ABCB1: variants seen among roughly 807,000 people sequenced by gnomAD.
ABCB1 encodes the protein ATP binding cassette subfamily B member 1, also known as ATP-dependent translocase ABCB1.
Under a neutral mutation model 142.0 loss-of-function variants are expected in ABCB1, and 69 were observed. The ratio of observed to expected loss-of-function variants is 0.49; its 90% CI spans 0.40 to 0.59. The LOEUF is 0.59. Among genes scored for constraint, ABCB1 ranks in the 20% least tolerant of loss-of-function variants. The probability of loss-of-function intolerance (pLI) is 0.00; values close to 1 mark genes in which losing one functional copy is unlikely to be tolerated. For missense variants in ABCB1, 1,326 were observed against 1,554.7 expected (o/e 0.85, Z 2.47); for synonymous variants, 532 against 539.2 (o/e 0.99, Z 0.18).
In ABCB1 at chr7:87,628,354, A is replaced by G. The variant is rs146633604; in HGVS notation, c.-330-27276T>C. On this transcript the variant is annotated intron_variant, in intron 1 of 28. Transcript: ENST00000265724. ...CCGGCGGGGGTAGCGTTGATTTGATAGGCGCAGAGAGGGTGGGGCTGCGCA... is the reference window on the plus strand; with the variant it reads ...CCGGCGGGGGTAGCGTTGATTTGATGGGCGCAGAGAGGGTGGGGCTGCGCA... 1,181 of 153,006 alleles carry G rather than the reference A, an allele frequency of 7.7e-3. 20 individuals carry two copies. Among genetic ancestry groups the G allele is most frequent in the African/African-American group, 0.027 (1,118 of 41,570 alleles). The allele number at this position is 153,006 out of a possible 1,614,324, so 9.5% of individuals were successfully genotyped here. A position where few individuals can be genotyped will look rare whatever the true frequency, so the allele number is the denominator to read the frequency against.
rs534882479 is a variant in ABCB1 at position 87,532,396 on chromosome 7, C to T, written c.2482-899G>A. 8.5e-5 allele frequency among the ~76,000 whole-genome samples: 13 copies of T among 152,250 alleles called. No homozygotes were observed. The East Asian group carries it at 1.9e-3, about 23-fold the overall frequency. On this transcript the variant is annotated intron_variant, in intron 20 of 27. Transcript: ENST00000622132. The stretch of plus-strand genomic sequence containing the variant: ...CAGGAGGTCAGCACAAGATACAGGT[C>T]GCTAAGACCTTGCTGATAAAACAAG...
intron 1 of ABCB1, among the ~76,000 whole-genome samples, chr7:87,688,691 G>A (rs1487464112): frequency 6.6e-6 from 1 of 151,692 alleles, no homozygotes; most frequent in Non-Finnish European, 1.5e-5. Flanking sequence ...TAAAACATAT[G>A]AAATATTTTT....
chr7:87,705,823 A>G (rs1415607584), intron 1 of ABCB1, among the ~76,000 whole-genome samples: 2 of 152,122 alleles, frequency 1.3e-5, no homozygotes, highest in Non-Finnish European at 2.9e-5. Context: ...CTCCCAATTG[A>G]ATCTTTAGTT....
rs1563057324 is a variant in ABCB1 at position 87,570,153 on chromosome 7, AAGG to A, written c.338+16_338+18del. 2 of 1,606,690 alleles carry A rather than the reference AAGG, an allele frequency of 1.2e-6. No homozygotes were observed. Among genetic ancestry groups the A allele is most frequent in the Non-Finnish European group, 8.5e-7 (1 of 1,173,878 alleles). ...GAATATAGAAAAACTTAACAATAGT[AAGG>A]AGAATGTCTAATTACCTGGTCATGT... On this transcript the variant is annotated intron_variant, in intron 5 of 27. Transcript: ENST00000622132.
At chr7:87,616,016 G>C (rs948056687) in intron 1 of ABCB1, among the ~76,000 whole-genome samples, 20 of 151,992 alleles carry the variant, frequency 1.3e-4, no homozygotes, top group African/African-American at 4.8e-4. Flanking sequence ...GTAAATAGAA[G>C]GTACAATTTA....
intron 6 of ABCB1, 93 bp downstream of exon 6, chr7:87,566,692 A>T: frequency 8.0e-7 from 1 of 1,253,090 alleles, no homozygotes; most frequent in Non-Finnish European, 1.2e-6. Flanking sequence ...TTTGAATGAT[A>T]CATTAACACC....
intron 27 of ABCB1, 55 bp from the exon 28 acceptor site, chr7:87,504,504 C>T: frequency 6.2e-7 from 1 of 1,601,776 alleles, no homozygotes; most frequent in South Asian, 1.1e-5. Flanking sequence ...CCTAATTCCT[C>T]TTCCATAAAA....
Position 87,503,470 on chromosome 7 carries a change from C to A in ABCB1, c.*773G>T, listed in dbSNP as rs1236196369. Reference sequence around the variant, plus strand: ...ATTATCAAGACAAAAAGTAAATGTACTTTGGAAGTGTAAAAATCTTAAAAA... The same window carrying A: ...ATTATCAAGACAAAAAGTAAATGTAATTTGGAAGTGTAAAAATCTTAAAAA... On this transcript the variant is annotated 3_prime_UTR_variant, in exon 28 of 28. Coordinates refer to ENST00000622132, the MANE Select transcript of ABCB1 (RefSeq NM_001348946.2). Among the ~76,000 whole-genome samples, 3 of 152,086 alleles carry A rather than the reference C, an allele frequency of 2.0e-5. No individual in the cohort carries two copies. In the South Asian group the frequency reaches 6.2e-4, roughly 32 times the overall value.
At chr7:87,507,467 C>T (rs959918058) in intron 26 of ABCB1, among the ~76,000 whole-genome samples, 1 of 152,142 alleles carries the variant, frequency 6.6e-6, no homozygotes, top group Non-Finnish European at 1.5e-5. Flanking sequence ...AACCACTATC[C>T]TCTCATCAGT....
chr7:87,569,272 G>A (rs188756857), intron 5 of ABCB1, among the ~76,000 whole-genome samples: 58 of 149,462 alleles, frequency 3.9e-4, no homozygotes, highest in Middle Eastern at 3.5e-3. Context: ...ATCGAAGGTC[G>A]CAGTGAGCCG....
intron 1 of ABCB1, among the ~76,000 whole-genome samples, chr7:87,676,800 C>G (rs143686310): frequency 2.6e-5 from 4 of 151,406 alleles, no homozygotes; most frequent in Non-Finnish European, 5.9e-5. Flanking sequence ...CACTCATATT[C>G]CCTTCCACTA....
chr7:87,531,216 C>T (rs2117129094), intron 21 of ABCB1, 78 bp downstream of exon 21: 1 of 1,187,640 alleles, frequency 8.4e-7, no homozygotes, highest in Non-Finnish European at 1.3e-6. Flanking sequence ...GCATAGTAAG[C>T]AGTAGGGAGT....
At chr7:87,526,985 G>A (rs66867614) in intron 21 of ABCB1, among the ~76,000 whole-genome samples, 19,721 of 151,652 alleles carry the variant, frequency 0.13, 1,351 homozygotes, top group African/African-American at 0.17. Context: ...AGTCCTTTGT[G>A]GCATTTTTTT....
intron 2 of ABCB1, among the ~76,000 whole-genome samples, chr7:87,599,333 T>C (rs1819345272): frequency 6.6e-6 from 1 of 152,220 alleles, no homozygotes; most frequent in Non-Finnish European, 1.5e-5. Flanking sequence ...ATTACCAATA[T>C]TATATACAGA....
At chr7:87,607,731 G>A (rs1030583129) in intron 1 of ABCB1, among the ~76,000 whole-genome samples, 4 of 151,752 alleles carry the variant, frequency 2.6e-5, no homozygotes, top group Non-Finnish European at 4.4e-5. Context: ...TTTTTTTGTA[G>A]AGATAGGCTG....
In ABCB1 at chr7:87,520,895, A is replaced by C. The variant is rs1054907690; in HGVS notation, c.2686-19T>G. Reference sequence around the variant, plus strand: ...TAGCGATCTGTAACAGACAGCACCGATCACCAAGAGGCACAAGAGTAAATA... The same window carrying C: ...TAGCGATCTGTAACAGACAGCACCGCTCACCAAGAGGCACAAGAGTAAATA... On this transcript the variant is annotated intron_variant, in intron 21 of 27. Transcript: ENST00000622132. 5.7e-6 allele frequency: 9 copies of C among 1,591,402 alleles called. No homozygotes were observed. The highest frequency in any genetic ancestry group is 7.8e-6 in the Non-Finnish European group (9 of 1,159,510).
At chr7:87,607,669 C>T (rs1254549700) in intron 1 of ABCB1, among the ~76,000 whole-genome samples, 2 of 152,036 alleles carry the variant, frequency 1.3e-5, no homozygotes, top group Non-Finnish European at 2.9e-5. Context: ...TCCCCACATC[C>T]TCCTCTCAAG....
chr7:87,526,328 A>G (rs957714877), intron 21 of ABCB1, among the ~76,000 whole-genome samples: 7 of 152,100 alleles, frequency 4.6e-5, no homozygotes, highest in African/African-American at 1.7e-4. Context: ...GTGGCTCTCT[A>G]CCATAGCATT....
chr7:87,569,051 G>A (rs1024409), intron 5 of ABCB1, among the ~76,000 whole-genome samples: 8,813 of 151,972 alleles, frequency 0.058, 444 homozygotes, highest in African/African-American at 0.13. Context: ...CTCCATTTTC[G>A]GCAGGGCATG....
Sources: allele counts gnomAD v4.1 joint callset (sites outside exome capture counted in the v4.1 genomes callset), GRCh38; gene constraint gnomAD v4.1.1; transcripts MANE v1.5; gene names NCBI Gene and HGNC (gene_info 2026-07-23, HGNC 2026-07-21).